Variants in GGA2 observed in about 807,000 individuals in gnomAD.
GGA2 encodes the protein golgi associated, gamma adaptin ear containing, ARF binding protein 2.
A neutral mutation model predicts 79.5 loss-of-function variants in GGA2; 48 were observed. That is an observed-to-expected ratio of 0.60 (90% CI 0.48 to 0.77). The LOEUF (loss-of-function observed/expected upper bound fraction) is 0.77. Among genes scored for constraint, GGA2 ranks in the 30% least tolerant of loss-of-function variants. GGA2 has a pLI of 0.00. For synonymous variants in GGA2, 317 were observed against 302.0 expected (o/e 1.05, Z -0.51); for missense variants, 770 against 774.0 (o/e 0.99, Z 0.06).
chr16:23,521,751 C>T (rs1169096813), intron 1 of GGA2: 2 of 455,836 alleles, frequency 4.4e-6, no homozygotes, highest in Non-Finnish European at 8.8e-6. Context: ...ATACCAGAAT[C>T]GACTTAGTAT....
At chr16:23,495,635 G>C in intron 2 of GGA2, 59 bp downstream of exon 2, 1 of 944,536 alleles carries the variant, frequency 1.1e-6, no homozygotes, top group Non-Finnish European at 1.7e-6. Flanking sequence ...AGAGACAAAG[G>C]CCTACACTCA....
upstream of GGA2, chr16:23,524,239 CAG>C: frequency 1.3e-6 from 1 of 777,770 alleles, no homozygotes; most frequent in Admixed American, 2.0e-5. Flanking sequence ...TGTGTGCAGT[CAG>C]AGATTGTTTC....
intron 1 of GGA2, among the ~76,000 whole-genome samples, chr16:23,509,699 G>A (rs1373459746): frequency 6.6e-6 from 1 of 150,484 alleles, no homozygotes; most frequent in African/African-American, 2.4e-5. Context: ...AGCCCAACCA[G>A]GGTAACATAA....
At chr16:23,485,020 T>C (rs776218406) in intron 8 of GGA2, among the ~76,000 whole-genome samples, 33 of 152,136 alleles carry the variant, frequency 2.2e-4, no homozygotes, top group Non-Finnish European at 4.3e-4. Context: ...AAACAAACTG[T>C]GGCATAGCCA....
In GGA2 at chr16:23,467,712, G is replaced by A; in HGVS notation, c.1732-12C>T. 1.5e-6 allele frequency: 2 copies of A among 1,364,154 alleles called. No individual in the cohort carries two copies. The highest frequency in any genetic ancestry group is 2.1e-6 in the Non-Finnish European group (2 of 952,082). The allele number at this position is 1,364,154 out of a possible 1,614,324, so 84.5% of individuals were successfully genotyped here. On this transcript the variant is annotated splice_polypyrimidine_tract_variant and intron_variant, in intron 16 of 16. Transcript: ENST00000309859. ...AAGCGGATAGGTTCCTGGGACAGAA[G>A]AGACAGAAGATGTCAAATCAGTGGA...
rs148053957 is a variant in GGA2, at chr16:23,496,193, C to G, written c.92-415G>C. ...TGATCCATGCCTGTAATCCCAGCTA[C>G]TTGGGAGGCTGAGGCAGGAGAATCG... On this transcript the variant is annotated intron_variant, in intron 1 of 16. Coordinates refer to ENST00000309859, the MANE Select transcript of GGA2 (RefSeq NM_015044.4). Among the ~76,000 whole-genome samples, 259 of 148,918 alleles carry G rather than the reference C, an allele frequency of 1.7e-3. 6 individuals are homozygous for G. In the East Asian group the frequency reaches 0.028, roughly 16 times the overall value.
intron 1 of GGA2, among the ~76,000 whole-genome samples, chr16:23,498,273 C>A (rs1364236821): frequency 6.6e-6 from 1 of 150,606 alleles, no homozygotes; most frequent in Non-Finnish European, 1.5e-5. Context: ...AGGTGAGACT[C>A]TGTCTCCAAA....
chr16:23,489,020 G>T (rs1209746177), intron 5 of GGA2, among the ~76,000 whole-genome samples: 3 of 152,138 alleles, frequency 2.0e-5, no homozygotes, highest in Admixed American at 6.5e-5. Context: ...ACCTCCCAGG[G>T]ATCAAAAGTT....
chr16:23,488,808 A>G (rs1964747407), intron 5 of GGA2, 99 bp from the exon 6 acceptor site: 1 of 690,104 alleles, frequency 1.4e-6, no homozygotes, highest in African/African-American at 1.8e-5. Flanking sequence ...TCCTAATACC[A>G]TGCTAGCAAA....
chr16:23,511,673 T>C (rs1369048320), upstream of GGA2, among the ~76,000 whole-genome samples: 1 of 152,138 alleles, frequency 6.6e-6, no homozygotes, highest in Non-Finnish European at 1.5e-5. Context: ...CAGTACACCA[T>C]CGATGTATTA....
At chr16:23,473,330 CTTTTTTTTTTTTTTT>C (rs34972165) in intron 14 of GGA2, among the ~76,000 whole-genome samples, 2 of 70,672 alleles carry the variant, frequency 2.8e-5, no homozygotes, top group African/African-American at 5.8e-5. Context: ...CTTTTCTAGT[CTTTTTTTTTTTTTTT>C]TTTTTTTTTT....
upstream of GGA2, among the ~76,000 whole-genome samples, chr16:23,511,201 G>A (rs1263552692): frequency 2.0e-5 from 3 of 151,976 alleles, no homozygotes; most frequent in African/African-American, 7.3e-5. Context: ...CGCCTAGGCT[G>A]GAGTGCAGGG....
intron 2 of GGA2, among the ~76,000 whole-genome samples, chr16:23,516,592 C>G (rs1033734378): frequency 6.6e-6 from 1 of 152,070 alleles, no homozygotes; most frequent in Non-Finnish European, 1.5e-5. Context: ...ATGTCATTTC[C>G]CTGCCTAAAA....
intron 1 of GGA2, among the ~76,000 whole-genome samples, chr16:23,505,230 C>T (rs1964961978): frequency 6.6e-6 from 1 of 152,116 alleles, no homozygotes; most frequent in Non-Finnish European, 1.5e-5. Context: ...GGAGTAGGAC[C>T]AAGTGGAAGG....
chr16:23,465,169 A>C lies in GGA2; in HGVS notation c.*2421T>G, dbSNP rs1331629767. 1 of 594,672 alleles carries C rather than the reference A, an allele frequency of 1.7e-6. No homozygotes were observed. The highest frequency in any genetic ancestry group is 3.0e-6 in the Non-Finnish European group (1 of 333,820). 36.8% of individuals were successfully genotyped at this position (594,672 alleles called of 1,614,324 possible). A position where few individuals can be genotyped will look rare whatever the true frequency, so the allele number is the denominator to read the frequency against. On this transcript the variant is annotated 3_prime_UTR_variant, in exon 17 of 17. Coordinates refer to ENST00000309859, the MANE Select transcript of GGA2 (RefSeq NM_015044.4). ...GTCAACAACTAGCTTTTAAAAAAAC[A>C]GAGACACGGTCTCACTATGTAGCCC... is the stretch of plus-strand genomic sequence containing the variant.
chr16:23,511,515 T>C (rs1207029889), upstream of GGA2, among the ~76,000 whole-genome samples: 1 of 150,648 alleles, frequency 6.6e-6, no homozygotes, highest in African/African-American at 2.4e-5. Context: ...TTTTTTTTTT[T>C]CAGATGGAGT....
intron 13 of GGA2, among the ~76,000 whole-genome samples, chr16:23,477,705 C>T (rs1964592270): frequency 6.6e-6 from 1 of 152,124 alleles, no homozygotes; most frequent in Admixed American, 6.5e-5. Context: ...TGAGATCGCG[C>T]CACTGCACTC....
intron 9 of GGA2, among the ~76,000 whole-genome samples, chr16:23,482,090 A>C (rs945967754): frequency 2.0e-5 from 3 of 152,102 alleles, no homozygotes; most frequent in Admixed American, 6.5e-5. Context: ...AAAATGGTGA[A>C]ATGTCATCTT....
At chr16:23,512,273 AGCAACCTCCATCTG>A (rs1965075713), upstream of GGA2, among the ~76,000 whole-genome samples, 2 of 152,172 alleles carry the variant, frequency 1.3e-5, no homozygotes. Flanking sequence ...CCCTTCCCCT[AGCAACCTCCATCTG>A]GCAACCTCAA....
Sources: allele counts gnomAD v4.1 joint callset (sites outside exome capture counted in the v4.1 genomes callset), GRCh38; gene constraint gnomAD v4.1.1; transcripts MANE v1.5; gene names NCBI Gene and HGNC (gene_info 2026-07-23, HGNC 2026-07-21).